Variants in ZNF804A observed in about 807,000 individuals in gnomAD.
ZNF804A encodes the protein zinc finger protein 804A.
Under a neutral mutation model 16.5 loss-of-function variants are expected in ZNF804A, and 2 were observed. That is an observed-to-expected ratio of 0.12 (90% CI 0.05 to 0.38). The LOEUF is 0.38. Among genes scored for constraint, ZNF804A ranks in the 10% least tolerant of loss-of-function variants. ZNF804A has a pLI of 0.99. For missense variants in ZNF804A, 1,473 were observed against 1,390.7 expected (o/e 1.06, Z -0.94); for synonymous variants, 534 against 489.6 (o/e 1.09, Z -1.20).
At chr2:184,619,174 C>A (rs1336233903) in intron 1 of ZNF804A, among the ~76,000 whole-genome samples, 1 of 151,888 alleles carries the variant, frequency 6.6e-6, no homozygotes, top group Non-Finnish European at 1.5e-5. Context: ...TTTCGGTCTT[C>A]ATTAATTTGT....
intron 1 of ZNF804A, among the ~76,000 whole-genome samples, chr2:184,836,828 C>T (rs146243847): frequency 6.6e-6 from 1 of 151,764 alleles, no homozygotes; most frequent in African/African-American, 2.4e-5. Context: ...ATCTCCTTAG[C>T]GTGCCATATG....
intron 1 of ZNF804A, among the ~76,000 whole-genome samples, chr2:184,809,894 A>G (rs1399572265): frequency 2.0e-5 from 3 of 152,178 alleles, no homozygotes; most frequent in Non-Finnish European, 2.9e-5. Flanking sequence ...CCCAAATGCC[A>G]TAGCAAAATA....
At chr2:184,733,914 A>G (rs919641039) in intron 1 of ZNF804A, among the ~76,000 whole-genome samples, 1 of 150,046 alleles carries the variant, frequency 6.7e-6, no homozygotes, top group Non-Finnish European at 1.5e-5. Context: ...TTTTTTTCTC[A>G]GTTAGCTTGT....
intron 1 of ZNF804A, among the ~76,000 whole-genome samples, chr2:184,766,669 T>G (rs1440490915): frequency 6.6e-6 from 1 of 151,536 alleles, no homozygotes; most frequent in Non-Finnish European, 1.5e-5. Flanking sequence ...AATCCAACAG[T>G]TTTATTCCTG....
intron 1 of ZNF804A, among the ~76,000 whole-genome samples, chr2:184,652,521 A>C (rs78272648): frequency 6.6e-6 from 1 of 152,090 alleles, no homozygotes; most frequent in East Asian, 1.9e-4. Flanking sequence ...AATTCATTGG[A>C]TTTTGAGAAT....
chr2:184,794,389 C>G (rs1451606945), intron 1 of ZNF804A, among the ~76,000 whole-genome samples: 1 of 151,964 alleles, frequency 6.6e-6, no homozygotes. Context: ...ATTGTCTATT[C>G]ATGTCCTTAG....
intron 1 of ZNF804A, among the ~76,000 whole-genome samples, chr2:184,680,937 G>A (rs947216620): frequency 9.2e-5 from 14 of 152,170 alleles, no homozygotes; most frequent in Admixed American, 5.9e-4. Flanking sequence ...GCCAGCAGTG[G>A]AAGCTGCTTG....
At chr2:184,720,981 A>T (rs1402941112) in intron 1 of ZNF804A, among the ~76,000 whole-genome samples, 1 of 152,206 alleles carries the variant, frequency 6.6e-6, no homozygotes, top group East Asian at 1.9e-4. Flanking sequence ...GGTGCCAAGA[A>T]CATACACTGA....
intron 1 of ZNF804A, among the ~76,000 whole-genome samples, chr2:184,730,673 T>C (rs1475169202): frequency 2.0e-5 from 3 of 152,176 alleles, no homozygotes; most frequent in Non-Finnish European, 4.4e-5. Flanking sequence ...TATGTATTTA[T>C]GTTTCCTCCA....
chr2:184,717,744 C>T (rs1408013358), intron 1 of ZNF804A, among the ~76,000 whole-genome samples: 2 of 152,086 alleles, frequency 1.3e-5, no homozygotes, highest in African/African-American at 2.4e-5. Context: ...TCGTTACATG[C>T]ATATAATGTG....
intron 1 of ZNF804A, among the ~76,000 whole-genome samples, chr2:184,845,264 T>C (rs1439687350): frequency 6.6e-6 from 1 of 152,150 alleles, no homozygotes; most frequent in African/African-American, 2.4e-5. Context: ...ACTGTTAGTG[T>C]GCTTTTTCTT....
In ZNF804A at chr2:184,604,146, C is replaced by CTT. The variant is rs759053144; in HGVS notation, c.111+5116_111+5117dup. On this transcript the variant is annotated intron_variant, in intron 1 of 3. Coordinates refer to ENST00000302277, the MANE Select transcript of ZNF804A (RefSeq NM_194250.2). ...TTCAGGTTATGGATGACTGCAATTA[C>CTT]TTTTTTTTTTTTTTTTTTTTTTTTT... Among the ~76,000 whole-genome samples the CTT allele has an allele frequency of 7.6e-3, 342 of 44,868 alleles. 98 individuals carry two copies. Among genetic ancestry groups the CTT allele is most frequent in the Non-Finnish European group, 0.012 (269 of 22,790 alleles). 29.4% of individuals were successfully genotyped at this position (44,868 alleles called of 152,430 possible). A position where few individuals can be genotyped will look rare whatever the true frequency, so the allele number is the denominator to read the frequency against.
intron 1 of ZNF804A, among the ~76,000 whole-genome samples, chr2:184,714,501 A>G (rs865837139): frequency 1.7e-4 from 26 of 152,216 alleles, no homozygotes; most frequent in Admixed American, 7.9e-4. Context: ...ATTTTCAAGG[A>G]TGACTTCTAC....
At chr2:184,839,928 C>T (rs1002457691) in intron 1 of ZNF804A, among the ~76,000 whole-genome samples, 2 of 152,046 alleles carry the variant, frequency 1.3e-5, no homozygotes, top group African/African-American at 4.8e-5. Flanking sequence ...GGACCATAAC[C>T]GACCCCTTCA....
chr2:184,637,757 T>G (rs1175164302), intron 1 of ZNF804A, among the ~76,000 whole-genome samples: 1 of 152,196 alleles, frequency 6.6e-6, no homozygotes, highest in Non-Finnish European at 1.5e-5. Context: ...GCTATTTAAA[T>G]ACAACATAAT....
chr2:184,851,029 C>A (rs1472157256), intron 1 of ZNF804A, among the ~76,000 whole-genome samples: 4 of 151,642 alleles, frequency 2.6e-5, no homozygotes, highest in African/African-American at 9.7e-5. Context: ...GTTCTGTTTG[C>A]TTTTTTACAC....
In ZNF804A at chr2:184,927,209, C is replaced by T. The variant is rs1685625648; in HGVS notation, c.256-6394C>T. On this transcript the variant is annotated intron_variant, in intron 2 of 3. Transcript: ENST00000302277. Reference sequence around the variant, plus strand: ...ACTAAGCTGTATCTACATTAGGGGGCACCCCAAGCCCAGTAGTTCTGTGGC... The same window carrying T: ...ACTAAGCTGTATCTACATTAGGGGGTACCCCAAGCCCAGTAGTTCTGTGGC... Among the ~76,000 whole-genome samples the T allele has an allele frequency of 4.6e-5, 7 of 152,228 alleles. No individual in the cohort carries two copies. The South Asian group carries it at 1.4e-3, about 31-fold the overall frequency.
rs762859075 is a variant in ZNF804A, at chr2:184,782,565, T to C, written c.112-83804T>C. Reference sequence around the variant, plus strand: ...CATTAGACTCCACGTTCTTCAGTTTTGGGACTTGAACTGGTTTCCCTTGCT... The same window carrying C: ...CATTAGACTCCACGTTCTTCAGTTTCGGGACTTGAACTGGTTTCCCTTGCT... On this transcript the variant is annotated intron_variant, in intron 1 of 3. Coordinates refer to ENST00000302277, the MANE Select transcript of ZNF804A (RefSeq NM_194250.2). 1.3e-4 allele frequency among the ~76,000 whole-genome samples: 19 copies of C among 151,634 alleles called. No individual in the cohort carries two copies. The South Asian group carries it at 2.3e-3, about 18-fold the overall frequency.
intron 1 of ZNF804A, among the ~76,000 whole-genome samples, chr2:184,817,916 A>G (rs931259830): frequency 6.6e-6 from 1 of 152,060 alleles, no homozygotes; most frequent in African/African-American, 2.4e-5. Context: ...ATGTAAAATG[A>G]CTTAATCTAC....
Sources: allele counts gnomAD v4.1 joint callset (sites outside exome capture counted in the v4.1 genomes callset), GRCh38; gene constraint gnomAD v4.1.1; transcripts MANE v1.5; gene names NCBI Gene and HGNC (gene_info 2026-07-23, HGNC 2026-07-21).